IKZF2: variants seen among roughly 807,000 people sequenced by gnomAD.
IKZF2 encodes the protein zinc finger protein Helios.
In IKZF2, 15 loss-of-function variants were observed where a neutral mutation model predicts 49.2. That is an observed-to-expected ratio of 0.30 (90% CI 0.20 to 0.47). The LOEUF (loss-of-function observed/expected upper bound fraction) is 0.47, where lower values mean the gene tolerates loss of function less well. IKZF2 is among the 20% of genes least tolerant of loss of function. IKZF2 has a pLI of 1.00. For missense variants in IKZF2, 567 were observed against 664.6 expected (o/e 0.85, Z 1.61); for synonymous variants, 227 against 221.4 (o/e 1.03, Z -0.23).
chr2:213,021,625 T>C (rs1022697353), intron 7 of IKZF2: 8 of 394,098 alleles, frequency 2.0e-5, no homozygotes, highest in Admixed American at 3.7e-5. Flanking sequence ...AATTTCAAAT[T>C]ATATGACTGA....
At chr2:213,109,529 A>G (rs1419670841) in intron 4 of IKZF2, among the ~76,000 whole-genome samples, 4 of 152,048 alleles carry the variant, frequency 2.6e-5, no homozygotes, top group East Asian at 3.8e-4. Context: ...ACTTTCTGAA[A>G]GGTTAAGTAA....
chr2:213,087,816 A>G (rs1174504205), intron 4 of IKZF2, among the ~76,000 whole-genome samples: 1 of 152,158 alleles, frequency 6.6e-6, no homozygotes, highest in Non-Finnish European at 1.5e-5. Context: ...CCATGTCCCT[A>G]CAAAGGACAT....
At chr2:213,115,291 A>C (rs1285069453) in intron 4 of IKZF2, among the ~76,000 whole-genome samples, 1 of 152,200 alleles carries the variant, frequency 6.6e-6, no homozygotes, top group Admixed American at 6.5e-5. Context: ...TTGAGGTATG[A>C]GGAAGGAAAA....
intron 4 of IKZF2, among the ~76,000 whole-genome samples, chr2:213,093,876 T>C (rs1705642230): frequency 6.6e-6 from 1 of 152,190 alleles, no homozygotes; most frequent in Non-Finnish European, 1.5e-5. Flanking sequence ...CGGGAACTAA[T>C]ACATTATAAG....
intron 4 of IKZF2, among the ~76,000 whole-genome samples, chr2:213,139,485 G>C (rs1213282842): frequency 6.6e-6 from 1 of 151,882 alleles, no homozygotes; most frequent in Non-Finnish European, 1.5e-5. Context: ...TACCCATATA[G>C]GTCAGTTCAC....
intron 6 of IKZF2, among the ~76,000 whole-genome samples, chr2:213,024,711 T>G (rs1334022093): frequency 6.6e-6 from 1 of 152,144 alleles, no homozygotes; most frequent in Non-Finnish European, 1.5e-5. Flanking sequence ...GTCTACATTC[T>G]GCCCTTACTA....
chr2:213,053,332 T>C (rs1036398754), intron 5 of IKZF2, among the ~76,000 whole-genome samples: 1 of 152,180 alleles, frequency 6.6e-6, no homozygotes, highest in Admixed American at 6.6e-5. Context: ...GGTCCATTTT[T>C]ATTTATTGAC....
chr2:213,035,986 A>G (rs1698984087), intron 6 of IKZF2, among the ~76,000 whole-genome samples: 1 of 152,166 alleles, frequency 6.6e-6, no homozygotes, highest in Non-Finnish European at 1.5e-5. Context: ...ATGTAAACAT[A>G]TAGTTATCAA....
intron 4 of IKZF2, among the ~76,000 whole-genome samples, chr2:213,132,312 A>G (rs2060500127): frequency 6.6e-6 from 1 of 151,670 alleles, no homozygotes; most frequent in Middle Eastern, 3.4e-3. Flanking sequence ...GAGGTGATAA[A>G]GGCATCCAAA....
At chr2:213,048,685 T>C (rs1700397650) in intron 6 of IKZF2, among the ~76,000 whole-genome samples, 1 of 152,102 alleles carries the variant, frequency 6.6e-6, no homozygotes, top group Non-Finnish European at 1.5e-5. Flanking sequence ...TTTAATTTTT[T>C]TGTAACTGCC....
chr2:213,084,773 G>C (rs533626788), intron 4 of IKZF2, among the ~76,000 whole-genome samples: 1 of 152,264 alleles, frequency 6.6e-6, no homozygotes, highest in Non-Finnish European at 1.5e-5. Context: ...CCTTGTTGAA[G>C]TTGTACTTTG....
intron 4 of IKZF2, among the ~76,000 whole-genome samples, chr2:213,105,781 T>C (rs1038150606): frequency 6.6e-6 from 1 of 152,190 alleles, no homozygotes; most frequent in African/African-American, 2.4e-5. Context: ...CCACGACTAT[T>C]GATAGGGTAA....
At chr2:213,079,565 G>C (rs1703698001) in intron 4 of IKZF2, among the ~76,000 whole-genome samples, 1 of 68,734 alleles carries the variant, frequency 1.5e-5, no homozygotes, top group Non-Finnish European at 3.0e-5. Context: ...GGGAGAGAGA[G>C]AGACAGAGAA....
At chr2:213,078,131 AAC>A (rs1476831141) in intron 4 of IKZF2, among the ~76,000 whole-genome samples, 1 of 151,788 alleles carries the variant, frequency 6.6e-6, no homozygotes, top group African/African-American at 2.4e-5. Flanking sequence ...CTTTAAAAAA[AAC>A]AATTCATGAA....
intron 4 of IKZF2, among the ~76,000 whole-genome samples, chr2:213,093,867 G>A (rs1278486689): frequency 6.6e-6 from 1 of 152,122 alleles, no homozygotes; most frequent in African/African-American, 2.4e-5. Context: ...TTTCTAGTTC[G>A]GGAACTAATA....
intron 4 of IKZF2, among the ~76,000 whole-genome samples, chr2:213,095,374 G>C (rs906838729): frequency 1.8e-4 from 27 of 151,906 alleles, no homozygotes; most frequent in African/African-American, 6.3e-4. Context: ...AGACTCTTTG[G>C]GTAACTTTTA....
At chr2:213,014,292 T>C (rs1696325187) in intron 7 of IKZF2, 1 of 157,566 alleles carries the variant, frequency 6.3e-6, no homozygotes. Flanking sequence ...CTTTTAGAGT[T>C]TATTTTTAAA....
In IKZF2 at chr2:213,025,824, C is replaced by T. The variant is rs1450705825; in HGVS notation, c.575-3694G>A. Among the ~76,000 whole-genome samples, 7 of 152,254 alleles carry T rather than the reference C, an allele frequency of 4.6e-5. No homozygotes were observed. The East Asian group carries it at 1.3e-3, about 29-fold the overall frequency. On this transcript the variant is annotated intron_variant, in intron 6 of 8. Transcript: ENST00000434687. Reference sequence around the variant, plus strand: ...CTCAAGATTCACAACAATGCACCCACTTCTGTTACCTTCTACCTCTTTTCC... The same window carrying T: ...CTCAAGATTCACAACAATGCACCCATTTCTGTTACCTTCTACCTCTTTTCC...
chr2:213,135,661 A>G (rs1297169920), intron 4 of IKZF2, among the ~76,000 whole-genome samples: 1 of 151,784 alleles, frequency 6.6e-6, no homozygotes, highest in African/African-American at 2.4e-5. Context: ...CTCCAGCCTG[A>G]ACAACAGAAC....
Sources: gnomAD v4.1 joint callset for allele counts (sites outside exome capture counted in the v4.1 genomes callset) on GRCh38, gnomAD v4.1.1 for gene constraint, MANE v1.5 for transcripts, NCBI Gene and HGNC (gene_info 2026-07-23, HGNC 2026-07-21) for gene names.